DNAH11: variants seen among roughly 807,000 people sequenced by gnomAD.
DNAH11 encodes the protein dynein axonemal heavy chain 11, also known as axonemal beta dynein heavy chain 11.
A neutral mutation model predicts 526.0 loss-of-function variants in DNAH11; 442 were observed. The observed-to-expected ratio is 0.84, with a 90% CI of 0.78 to 0.91. The LOEUF is 0.91. Among genes scored for constraint, DNAH11 ranks in the 40% least tolerant of loss-of-function variants. The probability of loss-of-function intolerance (pLI) is 0.00; values close to 1 mark genes in which losing one functional copy is unlikely to be tolerated. For synonymous variants in DNAH11, 2,461 were observed against 1,935.9 expected (o/e 1.27, Z -7.12); for missense variants, 6,989 against 5,448.7 (o/e 1.28, Z -8.90).
chr7:21,836,968 A>G (rs548994397), intron 65 of DNAH11, among the ~76,000 whole-genome samples: 25 of 152,314 alleles, frequency 1.6e-4, no homozygotes, highest in African/African-American at 5.5e-4. Flanking sequence ...AAGACATACA[A>G]ATGACCAACA....
At chr7:21,753,261 C>A (rs531391649) in intron 54 of DNAH11, among the ~76,000 whole-genome samples, 200 of 152,248 alleles carry the variant, frequency 1.3e-3, no homozygotes, top group African/African-American at 4.7e-3. Context: ...AGACTCTGTA[C>A]CAGGAAACCT....
intron 51 of DNAH11, among the ~76,000 whole-genome samples, chr7:21,748,283 A>C (rs1296342890): frequency 6.6e-6 from 1 of 152,206 alleles, no homozygotes; most frequent in Non-Finnish European, 1.5e-5. Context: ...CAGGAGTTCA[A>C]GACCAGCCTG....
chr7:21,614,078 C>T (rs1052973922), intron 20 of DNAH11, among the ~76,000 whole-genome samples: 2 of 151,914 alleles, frequency 1.3e-5, no homozygotes, highest in South Asian at 2.1e-4. Flanking sequence ...TGCCCAGCCT[C>T]GCAATTCCAA....
At chr7:21,655,759 G>A in intron 28 of DNAH11, 73 bp from the exon 29 acceptor site, 2 of 1,433,690 alleles carry the variant, frequency 1.4e-6, no homozygotes, top group Non-Finnish European at 1.9e-6. Flanking sequence ...ACTTCATATG[G>A]CATCATCTCT....
intron 51 of DNAH11, among the ~76,000 whole-genome samples, chr7:21,745,894 G>T (rs1454881186): frequency 1.3e-5 from 2 of 152,170 alleles, no homozygotes; most frequent in South Asian, 2.1e-4. Context: ...TCTGGAGGAA[G>T]AACATTCTAG....
chr7:21,713,702 A>G (rs1022339009), intron 42 of DNAH11, among the ~76,000 whole-genome samples: 5 of 152,136 alleles, frequency 3.3e-5, no homozygotes, highest in Middle Eastern at 3.4e-3. Context: ...TAACTGATGT[A>G]CTTCTCCAGG....
rs1784724033 is a variant in DNAH11, at chr7:21,717,855, C to G, written c.7064C>G (p.Pro2355Arg). ...ACTATTCTTTTTGATAAATATGTCC[C>G]TGCATGCTTGGATAAACTGAGAACA... ...NLTILFDKYV[P>R]ACLDKLRTSF... Residue 2355 changes from proline (P) to arginine (R), a missense_variant, in exon 43 of 82, where the codon CCT becomes CGT. Transcript: ENST00000409508. The G allele has an allele frequency of 6.2e-7, 1 of 1,613,794 alleles. No homozygotes were observed. Among genetic ancestry groups the G allele is most frequent in the South Asian group, 1.1e-5 (1 of 91,082 alleles).
At chr7:21,876,646 T>C (rs1018098946) in intron 74 of DNAH11, among the ~76,000 whole-genome samples, 29 of 152,388 alleles carry the variant, frequency 1.9e-4, no homozygotes, top group Non-Finnish European at 1.5e-4. Flanking sequence ...AATCTGGCTC[T>C]TTATAGTTCA....
At chr7:21,803,885 T>C (rs1456971508) in intron 62 of DNAH11, among the ~76,000 whole-genome samples, 1 of 151,702 alleles carries the variant, frequency 6.6e-6, no homozygotes, top group East Asian at 1.9e-4. Context: ...TCTGGAAAAG[T>C]GGGGAATGGG....
At chr7:21,857,111 A>G (rs981489999) in intron 68 of DNAH11, among the ~76,000 whole-genome samples, 1 of 152,170 alleles carries the variant, frequency 6.6e-6, no homozygotes, top group Admixed American at 6.5e-5. Context: ...TAAGAAGTGA[A>G]TTTTTAGCAA....
intron 2 of DNAH11, among the ~76,000 whole-genome samples, chr7:21,548,754 T>C (rs997709718): frequency 1.3e-5 from 2 of 151,912 alleles, no homozygotes; most frequent in Non-Finnish European, 2.9e-5. Context: ...AAGTTGAGAG[T>C]TCTCCTATGG....
chr7:21,636,625 C>T, intron 26 of DNAH11, among the ~76,000 whole-genome samples: 1 of 152,022 alleles, frequency 6.6e-6, no homozygotes, highest in East Asian at 1.9e-4. Flanking sequence ...GCAGTCCTAG[C>T]TACTTGGGAG....
intron 20 of DNAH11, among the ~76,000 whole-genome samples, chr7:21,614,053 A>G (rs997095258): frequency 1.3e-5 from 2 of 152,074 alleles, no homozygotes; most frequent in African/African-American, 4.8e-5. Flanking sequence ...CTGGGATTAC[A>G]AGCATGAGCC....
At chr7:21,692,642 G>A (rs75973766) in intron 35 of DNAH11, among the ~76,000 whole-genome samples, 3,808 of 152,214 alleles carry the variant, frequency 0.025, 109 homozygotes, top group African/African-American at 0.072. Flanking sequence ...ATTCACGTGC[G>A]ATGTTTACAT....
intron 28 of DNAH11, among the ~76,000 whole-genome samples, chr7:21,646,789 A>G (rs767452920): frequency 4.6e-5 from 7 of 152,204 alleles, no homozygotes; most frequent in Non-Finnish European, 8.8e-5. Flanking sequence ...AGTCCCACCA[A>G]ACAAGTCTTA....
intron 62 of DNAH11, among the ~76,000 whole-genome samples, chr7:21,802,966 A>C (rs1789062530): frequency 6.7e-6 from 1 of 149,792 alleles, no homozygotes; most frequent in Middle Eastern, 3.2e-3. Flanking sequence ...TATATAATGT[A>C]GTAAAAAACA....
At chr7:21,699,308 C>T (rs571892679) in intron 36 of DNAH11, among the ~76,000 whole-genome samples, 1 of 152,110 alleles carries the variant, frequency 6.6e-6, no homozygotes, top group South Asian at 2.1e-4. Context: ...CTCTACTCTC[C>T]AATCATAAGC....
intron 47 of DNAH11, 93 bp from the exon 48 acceptor site, chr7:21,739,478 G>A (rs1785774830): frequency 2.4e-6 from 2 of 847,186 alleles, no homozygotes; most frequent in Admixed American, 2.5e-5. Context: ...AGATAAGGAG[G>A]TAATCTGCGA....
chr7:21,799,249 C>G (rs184161246), intron 61 of DNAH11, among the ~76,000 whole-genome samples: 1 of 152,246 alleles, frequency 6.6e-6, no homozygotes, highest in Non-Finnish European at 1.5e-5. Context: ...GAGTCTGATA[C>G]CAGAGCCTTC....
Sources: gnomAD v4.1 joint callset for allele counts (sites outside exome capture counted in the v4.1 genomes callset) on GRCh38, gnomAD v4.1.1 for gene constraint, MANE v1.5 for transcripts, NCBI Gene and HGNC (gene_info 2026-07-23, HGNC 2026-07-21) for gene names.